SGMS1: variants seen among roughly 807,000 people sequenced by gnomAD.
SGMS1 encodes phosphatidylcholine:ceramide cholinephosphotransferase 1.
A neutral mutation model predicts 46.2 loss-of-function variants in SGMS1; 13 were observed. The observed-to-expected ratio is 0.28, with a 90% CI of 0.18 to 0.45. SGMS1 has a LOEUF of 0.45. Among genes scored for constraint, SGMS1 ranks in the 20% least tolerant of loss-of-function variants. SGMS1 has a pLI of 1.00. For synonymous variants in SGMS1, 203 were observed against 187.8 expected (o/e 1.08, Z -0.66); for missense variants, 324 against 519.9 (o/e 0.62, Z 3.66).
chr10:50,364,356 T>C (rs1206587431), intron 6 of SGMS1, among the ~76,000 whole-genome samples: 5 of 152,258 alleles, frequency 3.3e-5, no homozygotes, highest in African/African-American at 1.2e-4. Context: ...GTACACTTTC[T>C]GTTATTACCA....
rs946597373 is a variant in SGMS1, at chr10:50,593,977, G to A, written c.-683-3730C>T. The stretch of plus-strand genomic sequence containing the variant: ...TTCTCCAGGGTATATACCTAGGAGA[G>A]GAGAGCTGGACTACGGATTGCACGT... On this transcript the variant is annotated intron_variant, in intron 1 of 10. Coordinates refer to ENST00000361781, the MANE Select transcript of SGMS1 (RefSeq NM_147156.4). Among the ~76,000 whole-genome samples, 32 of 152,200 alleles carry A rather than the reference G, an allele frequency of 2.1e-4. 1 individual carries two copies. The highest frequency in any genetic ancestry group is 2.6e-4 in the Admixed American group (4 of 15,278).
At chr10:50,469,330 G>T (rs1056770746) in intron 3 of SGMS1, among the ~76,000 whole-genome samples, 2 of 152,128 alleles carry the variant, frequency 1.3e-5, no homozygotes, top group African/African-American at 4.8e-5. Flanking sequence ...TCAGTGAGTG[G>T]CTTGAGAAGG....
intron 3 of SGMS1, among the ~76,000 whole-genome samples, chr10:50,496,270 C>A (rs1056232883): frequency 2.0e-5 from 3 of 152,190 alleles, no homozygotes; most frequent in African/African-American, 4.8e-5. Context: ...CCTTTATTGT[C>A]AAGCTGGCAG....
chr10:50,348,877 G>C (rs532803988), intron 6 of SGMS1, among the ~76,000 whole-genome samples: 4 of 152,138 alleles, frequency 2.6e-5, no homozygotes, highest in Admixed American at 6.6e-5. Flanking sequence ...TAAGCAAAAA[G>C]AACAAAGTTG....
chr10:50,433,025 T>C (rs1243791061), intron 6 of SGMS1, among the ~76,000 whole-genome samples: 2 of 152,182 alleles, frequency 1.3e-5, no homozygotes, highest in African/African-American at 4.8e-5. Flanking sequence ...ATGGAGAAGA[T>C]GTAGACAAAG....
intron 6 of SGMS1, among the ~76,000 whole-genome samples, chr10:50,389,102 T>C (rs1848727854): frequency 6.6e-6 from 1 of 152,218 alleles, no homozygotes. Flanking sequence ...GTCATATACC[T>C]TAAATATATA....
chr10:50,331,576 G>C (rs540736029), intron 7 of SGMS1, among the ~76,000 whole-genome samples: 1 of 151,986 alleles, frequency 6.6e-6, no homozygotes, highest in East Asian at 1.9e-4. Context: ...TTACCACCTC[G>C]TATGTTAAAT....
chr10:50,616,159 A>G (rs1189660776), intron 1 of SGMS1, among the ~76,000 whole-genome samples: 1 of 152,184 alleles, frequency 6.6e-6, no homozygotes, highest in Non-Finnish European at 1.5e-5. Flanking sequence ...TCTGTCATTC[A>G]GGCTGGAGTA....
intron 6 of SGMS1, among the ~76,000 whole-genome samples, chr10:50,381,010 T>TC (rs1288200193): frequency 2.0e-5 from 3 of 147,252 alleles, no homozygotes; most frequent in African/African-American, 7.6e-5. Context: ...TTTTTTTTTT[T>TC]CCCAGAGATG....
At chr10:50,351,103 G>T (rs946202625) in intron 6 of SGMS1, among the ~76,000 whole-genome samples, 6 of 152,346 alleles carry the variant, frequency 3.9e-5, no homozygotes, top group Non-Finnish European at 7.4e-5. Flanking sequence ...TTTTGCATCA[G>T]TGTGACCAAG....
intron 6 of SGMS1, 64 bp from the exon 7 acceptor site, chr10:50,344,409 GCCTTATATA>G (rs2133362425): frequency 3.0e-6 from 1 of 328,224 alleles, no homozygotes; most frequent in East Asian, 5.2e-5. Flanking sequence ...AAAACGCAAA[GCCTTATATA>G]CATAAGGAAA....
At chr10:50,338,416 C>T (rs1847752740) in intron 7 of SGMS1, among the ~76,000 whole-genome samples, 1 of 152,154 alleles carries the variant, frequency 6.6e-6, no homozygotes, top group Middle Eastern at 3.2e-3. Flanking sequence ...GTAGAAAACA[C>T]ATATCAAGAT....
At chr10:50,564,562 ATTTG>A (rs1838272000) in intron 2 of SGMS1, among the ~76,000 whole-genome samples, 1 of 152,190 alleles carries the variant, frequency 6.6e-6, no homozygotes, top group Non-Finnish European at 1.5e-5. Context: ...TAGCAAAGTC[ATTTG>A]TTTATAAAGC....
intron 7 of SGMS1, among the ~76,000 whole-genome samples, chr10:50,331,850 G>C (rs969488104): frequency 2.6e-5 from 4 of 152,152 alleles, no homozygotes; most frequent in South Asian, 2.1e-4. Context: ...TGAGGACACA[G>C]GGAGAAAGCG....
intron 7 of SGMS1, among the ~76,000 whole-genome samples, chr10:50,338,594 C>T (rs1847755459): frequency 6.6e-6 from 1 of 152,154 alleles, no homozygotes; most frequent in Non-Finnish European, 1.5e-5. Context: ...GAAGTCAGCC[C>T]TGTCATTATA....
chr10:50,590,756 C>T (rs979818490), intron 1 of SGMS1: 1 of 152,158 alleles, frequency 6.6e-6, no homozygotes, highest in Admixed American at 6.5e-5. Flanking sequence ...ATAAGGTCTA[C>T]TGTCTTAGCA....
At chr10:50,478,631 A>T (rs1422269091) in intron 3 of SGMS1, among the ~76,000 whole-genome samples, 1 of 152,232 alleles carries the variant, frequency 6.6e-6, no homozygotes, top group Non-Finnish European at 1.5e-5. Flanking sequence ...GGAGTTTTTT[A>T]ATATAAGTAA....
At chr10:50,546,266 G>A (rs149227185) in intron 2 of SGMS1, among the ~76,000 whole-genome samples, 2 of 152,236 alleles carry the variant, frequency 1.3e-5, no homozygotes, top group Non-Finnish European at 2.9e-5. Flanking sequence ...CTCAGCCACT[G>A]CAGTAAAACC....
chr10:50,600,696 C>G (rs915076353), intron 1 of SGMS1, among the ~76,000 whole-genome samples: 1 of 152,174 alleles, frequency 6.6e-6, no homozygotes, highest in Admixed American at 6.5e-5. Context: ...GATAGAAAAG[C>G]CATTTCTTAT....
Sources: gnomAD v4.1 joint callset for allele counts (sites outside exome capture counted in the v4.1 genomes callset) on GRCh38, gnomAD v4.1.1 for gene constraint, MANE v1.5 for transcripts, NCBI Gene and HGNC (gene_info 2026-07-23, HGNC 2026-07-21) for gene names.